The following CNTN4 variants were observed in gnomAD, a reference collection of about 807,000 sequenced individuals.
The protein encoded by CNTN4 is contactin-4.
A neutral mutation model predicts 122.5 loss-of-function variants in CNTN4; 77 were observed. The observed-to-expected ratio is 0.63, with a 90% CI of 0.52 to 0.76. The LOEUF is 0.76. Ranked by LOEUF, CNTN4 falls within the 30% of genes least tolerant of loss-of-function variation. The probability of loss-of-function intolerance (pLI) is 0.00; values close to 1 mark genes in which losing one functional copy is unlikely to be tolerated. For synonymous variants in CNTN4, 512 were observed against 447.0 expected (o/e 1.15, Z -1.83); for missense variants, 1,256 against 1,259.1 (o/e 1.00, Z 0.04).
At chr3:2,111,964 A>G (rs2032993016) in intron 2 of CNTN4, among the ~76,000 whole-genome samples, 1 of 152,120 alleles carries the variant, frequency 6.6e-6, no homozygotes, top group African/African-American at 2.4e-5. Context: ...ATGTTTGCTC[A>G]TATGCTTTTA....
intron 3 of CNTN4, among the ~76,000 whole-genome samples, chr3:2,549,127 A>G (rs1366257902): frequency 2.1e-5 from 3 of 144,834 alleles, no homozygotes; most frequent in African/African-American, 7.3e-5. Flanking sequence ...TTCTAAATAT[A>G]CAATCATGTC....
At chr3:2,752,184 T>C (rs1051608912) in intron 6 of CNTN4, among the ~76,000 whole-genome samples, 1 of 152,224 alleles carries the variant, frequency 6.6e-6, no homozygotes, top group African/African-American at 2.4e-5. Flanking sequence ...TGACTCATAG[T>C]AACTGCATGT....
chr3:3,027,379 C>T (rs9874811), intron 15 of CNTN4, among the ~76,000 whole-genome samples: 12,888 of 152,196 alleles, frequency 0.085, 625 homozygotes, highest in Admixed American at 0.11. Flanking sequence ...GGGACCCTGA[C>T]TGAGAAAGGC....
intron 3 of CNTN4, among the ~76,000 whole-genome samples, chr3:2,551,598 A>C (rs939443817): frequency 3.9e-5 from 6 of 152,304 alleles, no homozygotes; most frequent in African/African-American, 1.2e-4. Flanking sequence ...AAAAAGCCCT[A>C]ATGATTTTTG....
chr3:2,393,123 G>A (rs1235926579), intron 3 of CNTN4, among the ~76,000 whole-genome samples: 1 of 152,088 alleles, frequency 6.6e-6, no homozygotes, highest in Non-Finnish European at 1.5e-5. Context: ...GTTTGCCTGC[G>A]ATCTTTGGAA....
chr3:2,120,260 T>A (rs1160546725), intron 2 of CNTN4, among the ~76,000 whole-genome samples: 1 of 150,238 alleles, frequency 6.7e-6, no homozygotes, highest in Non-Finnish European at 1.5e-5. Context: ...TTTGAGAGTA[T>A]GATAAAGGAG....
chr3:2,584,697 CAAAAAAAAAAAAAA>C (rs67755648), intron 4 of CNTN4, among the ~76,000 whole-genome samples: 2 of 73,162 alleles, frequency 2.7e-5, no homozygotes, highest in South Asian at 5.1e-4. Flanking sequence ...AACTCCGTCT[CAAAAAAAAAAAAAA>C]AAAAAAAAAA....
At chr3:2,902,745 TG>T (rs2094188461) in intron 11 of CNTN4, 130 bp from the exon 12 acceptor site, 3 of 885,752 alleles carry the variant, frequency 3.4e-6, no homozygotes, top group African/African-American at 1.7e-5. Context: ...AAATAGATCA[TG>T]TTATGTAAAT....
At chr3:2,714,373 T>G (rs2087349142) in intron 4 of CNTN4, among the ~76,000 whole-genome samples, 4 of 152,176 alleles carry the variant, frequency 2.6e-5, no homozygotes, top group Admixed American at 2.6e-4. Context: ...GAAAAATCTA[T>G]GTGTAGCCCT....
chr3:3,038,497 C>T (rs1223979295), intron 18 of CNTN4, among the ~76,000 whole-genome samples: 1 of 152,150 alleles, frequency 6.6e-6, no homozygotes, highest in African/African-American at 2.4e-5. Flanking sequence ...GTCGACCTTG[C>T]TCTAACTGGT....
chr3:2,551,403 C>G (rs566476563), intron 3 of CNTN4, among the ~76,000 whole-genome samples: 4 of 151,458 alleles, frequency 2.6e-5, no homozygotes, highest in African/African-American at 9.7e-5. Context: ...CCTACACATG[C>G]ACACACAAAT....
chr3:3,034,909 G>A (rs1376077398), intron 17 of CNTN4, 119 bp downstream of exon 17: 1 of 1,118,404 alleles, frequency 8.9e-7, no homozygotes, highest in East Asian at 2.4e-5. Flanking sequence ...TATTATGGCA[G>A]TGTTTCCTAA....
intron 4 of CNTN4, among the ~76,000 whole-genome samples, chr3:2,599,389 C>T (rs2080922899): frequency 6.6e-6 from 1 of 152,226 alleles, no homozygotes; most frequent in African/African-American, 2.4e-5. Context: ...GTAGCATTGC[C>T]ATCTCCAATC....
chr3:3,046,584 A>AT (rs1392714589), intron 23 of CNTN4, among the ~76,000 whole-genome samples: 1 of 152,108 alleles, frequency 6.6e-6, no homozygotes, highest in Non-Finnish European at 1.5e-5. Context: ...ATGCTGAGAG[A>AT]TTTTGTCACC....
intron 3 of CNTN4, among the ~76,000 whole-genome samples, chr3:2,499,694 T>TA (rs1192335246): frequency 6.6e-6 from 1 of 152,172 alleles, no homozygotes; most frequent in Non-Finnish European, 1.5e-5. Flanking sequence ...TCTTCTTTTT[T>TA]ATCTAGATTG....
intron 7 of CNTN4, among the ~76,000 whole-genome samples, chr3:2,850,251 G>A (rs898324930): frequency 1.3e-5 from 2 of 152,148 alleles, no homozygotes; most frequent in Non-Finnish European, 2.9e-5. Context: ...GTCTCCCAAA[G>A]TGCAGGGATT....
chr3:2,707,423 A>C (rs1449509704), intron 4 of CNTN4, among the ~76,000 whole-genome samples: 1 of 152,172 alleles, frequency 6.6e-6, no homozygotes, highest in East Asian at 1.9e-4. Flanking sequence ...AGGACTATTT[A>C]ATTCAACTCT....
chr3:2,302,800 C>A (rs1441091321), intron 2 of CNTN4, among the ~76,000 whole-genome samples: 1 of 152,148 alleles, frequency 6.6e-6, no homozygotes, highest in Non-Finnish European at 1.5e-5. Context: ...ATGTCTCATC[C>A]ATAAGTTTAT....
chr3:2,402,200 T>C (rs1039468569), intron 3 of CNTN4, among the ~76,000 whole-genome samples: 10 of 152,060 alleles, frequency 6.6e-5, no homozygotes, highest in African/African-American at 2.4e-4. Flanking sequence ...TTAATGGGAT[T>C]TTATCATATC....
Sources: allele counts gnomAD v4.1 joint callset (sites outside exome capture counted in the v4.1 genomes callset), GRCh38; gene constraint gnomAD v4.1.1; transcripts MANE v1.5; gene names NCBI Gene and HGNC (gene_info 2026-07-23, HGNC 2026-07-21).